VPS41: variants seen among roughly 807,000 people sequenced by gnomAD.
The protein encoded by VPS41 is vacuolar protein sorting-associated protein 41 homolog.
In VPS41, 85 loss-of-function variants were observed where a neutral mutation model predicts 130.9. The observed-to-expected ratio is 0.65, with a 90% confidence interval of 0.55 to 0.78. VPS41 has a LOEUF of 0.78. Ranked by LOEUF, VPS41 falls within the 30% of genes least tolerant of loss-of-function variation. VPS41 has a pLI of 0.00. For missense variants in VPS41, 874 were observed against 1,018.7 expected (o/e 0.86, Z 1.93); for synonymous variants, 335 against 332.9 (o/e 1.01, Z -0.07).
intron 2 of VPS41, among the ~76,000 whole-genome samples, chr7:38,892,122 C>A (rs1157291103): frequency 6.6e-6 from 1 of 151,372 alleles, no homozygotes; most frequent in Non-Finnish European, 1.5e-5. Context: ...TAATATTACC[C>A]AAAAATCTCA....
intron 28 of VPS41, among the ~76,000 whole-genome samples, chr7:38,726,704 C>T (rs1457230983): frequency 2.0e-5 from 3 of 152,158 alleles, no homozygotes; most frequent in Non-Finnish European, 4.4e-5. Context: ...AATGGGTATG[C>T]TTTTATGTTT....
At chr7:38,767,663 T>C in intron 14 of VPS41, 65 bp from the exon 15 acceptor site, 1 of 1,221,090 alleles carries the variant, frequency 8.2e-7, no homozygotes, top group Non-Finnish European at 1.2e-6. Context: ...TGAGTCTCGG[T>C]TTCTGCACAG....
intron 27 of VPS41, among the ~76,000 whole-genome samples, chr7:38,728,039 A>G (rs927677509): frequency 2.6e-5 from 4 of 152,212 alleles, no homozygotes; most frequent in Non-Finnish European, 4.4e-5. Context: ...GTAGAACCAT[A>G]TATCAGAGAA....
chr7:38,839,494 C>T lies in VPS41; in HGVS notation c.247-9166G>A, dbSNP rs1228217631. The stretch of plus-strand genomic sequence containing the variant: ...CTGGAGTGCAGTGGTGTGATCTCGG[C>T]TCACTGCAACCTCTGCCTGCTAACC... On this transcript the variant is annotated intron_variant, in intron 4 of 28. Coordinates refer to ENST00000310301, the MANE Select transcript of VPS41 (RefSeq NM_014396.4). 2.0e-5 allele frequency among the ~76,000 whole-genome samples: 3 copies of T among 150,984 alleles called. No homozygotes were observed. The East Asian group carries it at 5.9e-4, about 30-fold the overall frequency.
intron 9 of VPS41, among the ~76,000 whole-genome samples, chr7:38,790,243 G>T (rs1784511607): frequency 6.6e-6 from 1 of 152,066 alleles, no homozygotes; most frequent in Non-Finnish European, 1.5e-5. Context: ...CTAAAATATA[G>T]AAAAACTCAA....
chr7:38,904,773 C>T (rs774897582), intron 1 of VPS41, among the ~76,000 whole-genome samples: 1 of 152,224 alleles, frequency 6.6e-6, no homozygotes, highest in Middle Eastern at 3.4e-3. Flanking sequence ...ATCTAATAAT[C>T]CATAAGTGAT....
At chr7:38,777,049 C>G (rs566706527) in intron 10 of VPS41, among the ~76,000 whole-genome samples, 2 of 152,284 alleles carry the variant, frequency 1.3e-5, no homozygotes, top group African/African-American at 4.8e-5. Flanking sequence ...AAGGGTGACA[C>G]TGTGCTTAGG....
chr7:38,843,019 A>G (rs1478733095), intron 4 of VPS41, among the ~76,000 whole-genome samples: 1 of 152,264 alleles, frequency 6.6e-6, no homozygotes, highest in Non-Finnish European at 1.5e-5. Flanking sequence ...CATCTCATGC[A>G]ATGAGAAAAC....
At chr7:38,845,541 A>G (rs962325691) in intron 4 of VPS41, among the ~76,000 whole-genome samples, 3 of 152,162 alleles carry the variant, frequency 2.0e-5, no homozygotes, top group Non-Finnish European at 4.4e-5. Flanking sequence ...TACTAAGAGA[A>G]AGTTAAATTT....
At chr7:38,901,682 A>G (rs1278525079) in intron 1 of VPS41, among the ~76,000 whole-genome samples, 3 of 152,176 alleles carry the variant, frequency 2.0e-5, no homozygotes, top group Non-Finnish European at 4.4e-5. Context: ...TCACAACTAC[A>G]GCAGTGGTGA....
chr7:38,899,357 T>C (rs139627768), intron 1 of VPS41, among the ~76,000 whole-genome samples: 1 of 152,304 alleles, frequency 6.6e-6, no homozygotes, highest in African/African-American at 2.4e-5. Context: ...GCTACAATAA[T>C]CCACAGTAAC....
chr7:38,738,542 C>A (rs1795819030), intron 25 of VPS41, among the ~76,000 whole-genome samples: 1 of 152,126 alleles, frequency 6.6e-6, no homozygotes, highest in South Asian at 2.1e-4. Flanking sequence ...AAACGCTCAA[C>A]AACTACATGC....
chr7:38,816,144 C>T (rs903576081), intron 7 of VPS41, among the ~76,000 whole-genome samples: 3 of 152,118 alleles, frequency 2.0e-5, no homozygotes, highest in Admixed American at 1.3e-4. Flanking sequence ...CAGCTGCAGA[C>T]CTAAGCTAGA....
At chr7:38,824,126 A>G (rs1444237455) in intron 5 of VPS41, among the ~76,000 whole-genome samples, 1 of 152,212 alleles carries the variant, frequency 6.6e-6, no homozygotes, top group Non-Finnish European at 1.5e-5. Context: ...ATACCTGCTC[A>G]ACTAGCAAGC....
intron 10 of VPS41, among the ~76,000 whole-genome samples, chr7:38,784,339 T>C (rs754067738): frequency 1.3e-5 from 2 of 152,092 alleles, no homozygotes; most frequent in Non-Finnish European, 2.9e-5. Flanking sequence ...TAAGTCACTC[T>C]AGAAAATGTA....
intron 11 of VPS41, 121 bp downstream of exon 11, chr7:38,776,558 T>C (rs934764690): frequency 1.8e-6 from 1 of 566,488 alleles, no homozygotes; most frequent in Admixed American, 2.7e-5. Context: ...GCCAACCTTA[T>C]TTTATAGGTC....
intron 8 of VPS41, 118 bp downstream of exon 8, chr7:38,796,627 A>G: frequency 6.8e-7 from 1 of 1,479,328 alleles, no homozygotes. Flanking sequence ...TCGTCCTTAC[A>G]CCCTTTAGAA....
intron 2 of VPS41, among the ~76,000 whole-genome samples, chr7:38,880,933 G>A (rs145525649): frequency 2.6e-5 from 4 of 152,256 alleles, no homozygotes; most frequent in East Asian, 1.9e-4. Context: ...TAGCAGTTTC[G>A]TCACAACCAT....
intron 13 of VPS41, 100 bp downstream of exon 13, chr7:38,772,422 C>G (rs1289004153): frequency 1.3e-6 from 1 of 797,052 alleles, no homozygotes; most frequent in Non-Finnish European, 1.9e-6. Context: ...TTGGGAAACT[C>G]TACTTTGACT....
Sources: gnomAD v4.1 joint callset for allele counts (sites outside exome capture counted in the v4.1 genomes callset) on GRCh38, gnomAD v4.1.1 for gene constraint, MANE v1.5 for transcripts, NCBI Gene and HGNC (gene_info 2026-07-23, HGNC 2026-07-21) for gene names.